UNC79: variants seen among roughly 807,000 people sequenced by gnomAD.
UNC79 encodes the protein unc-79 subunit of NALCN channel complex.
In UNC79, 37 loss-of-function variants were observed where a neutral mutation model predicts 283.1. The observed-to-expected ratio is 0.13, with a 90% confidence interval of 0.10 to 0.17. The LOEUF is 0.17. Among genes scored for constraint, UNC79 ranks in the 10% least tolerant of loss-of-function variants. UNC79 has a pLI of 1.00. For missense variants in UNC79, 2,272 were observed against 3,211.1 expected (o/e 0.71, Z 7.07); for synonymous variants, 1,107 against 1,200.2 (o/e 0.92, Z 1.61).
chr14:93,537,894 C>A, intron 11 of UNC79, 95 bp from the exon 12 acceptor site: 1 of 1,240,322 alleles, frequency 8.1e-7, no homozygotes, highest in African/African-American at 1.5e-5. Context: ...TGTGTTGTCA[C>A]TTCGAGTGGC....
intron 47 of UNC79, among the ~76,000 whole-genome samples, chr14:93,702,329 T>C (rs1282713818): frequency 1.3e-5 from 2 of 152,206 alleles, no homozygotes; most frequent in Non-Finnish European, 2.9e-5. Context: ...TTTAGTCTCA[T>C]TACATTTTCT....
At chr14:93,343,282 CAA>C (rs1419337054) in intron 1 of UNC79, among the ~76,000 whole-genome samples, 2 of 152,314 alleles carry the variant, frequency 1.3e-5, no homozygotes, top group East Asian at 3.9e-4. Flanking sequence ...GAGGCCTCAG[CAA>C]ACTTACAATC....
At chr14:93,541,808 A>C (rs962347357) in intron 13 of UNC79, among the ~76,000 whole-genome samples, 1 of 152,094 alleles carries the variant, frequency 6.6e-6, no homozygotes, top group Non-Finnish European at 1.5e-5. Context: ...GATCGAGACC[A>C]TCCTGGCTAA....
At chr14:93,508,230 G>T (rs1346989740) in intron 7 of UNC79, among the ~76,000 whole-genome samples, 3 of 149,012 alleles carry the variant, frequency 2.0e-5, no homozygotes, top group African/African-American at 7.4e-5. Context: ...CACTAAACCC[G>T]AAAAAAGGCC....
intron 1 of UNC79, among the ~76,000 whole-genome samples, chr14:93,384,968 C>G (rs949919689): frequency 1.3e-5 from 2 of 152,098 alleles, no homozygotes; most frequent in African/African-American, 4.8e-5. Context: ...TTCTTGGCAC[C>G]TTTGTCAAAA....
At chr14:93,685,627 G>C (rs570123699) in intron 42 of UNC79, among the ~76,000 whole-genome samples, 5 of 152,284 alleles carry the variant, frequency 3.3e-5, no homozygotes, top group Non-Finnish European at 5.9e-5. Context: ...GAGCCACTGG[G>C]TGAGCTAGTT....
At chr14:93,550,814 A>G (rs1302029936) in intron 14 of UNC79, among the ~76,000 whole-genome samples, 1 of 152,006 alleles carries the variant, frequency 6.6e-6, no homozygotes, top group African/African-American at 2.4e-5. Context: ...TTTTCTGGAG[A>G]TAAGAAGATA....
At chr14:93,452,194 A>G (rs995753101) in intron 1 of UNC79, among the ~76,000 whole-genome samples, 5 of 152,144 alleles carry the variant, frequency 3.3e-5, no homozygotes, top group Non-Finnish European at 4.4e-5. Context: ...TAATATTTTT[A>G]TAGACCTTTA....
chr14:93,382,855 AC>A (rs2054692409), intron 1 of UNC79, among the ~76,000 whole-genome samples: 1 of 152,206 alleles, frequency 6.6e-6, no homozygotes, highest in Non-Finnish European at 1.5e-5. Flanking sequence ...TAATGCATGT[AC>A]CAAAATACTT....
intron 41 of UNC79, among the ~76,000 whole-genome samples, chr14:93,675,611 G>A (rs1468441192): frequency 1.3e-5 from 2 of 152,178 alleles, no homozygotes; most frequent in Admixed American, 1.3e-4. Flanking sequence ...AACAACTCTT[G>A]TCATTTACTG....
In UNC79 at chr14:93,672,074, G is replaced by A. The variant is rs1029679762; in HGVS notation, c.6637-1277G>A. 7.9e-5 allele frequency among the ~76,000 whole-genome samples: 12 copies of A among 152,252 alleles called. No homozygotes were observed. In the South Asian group the frequency reaches 1.0e-3, roughly 13 times the overall value. ...GATATGGAGAAAAGGGAACTCTTGC[G>A]CCCTGTTGGTAGGAATTTAAATTAT... On this transcript the variant is annotated intron_variant, in intron 40 of 48. Coordinates refer to ENST00000555664, the Ensembl canonical transcript of UNC79.
At chr14:93,673,165 A>G (rs866415732) in intron 40 of UNC79, among the ~76,000 whole-genome samples, 186 bp from the exon 44 acceptor site, 6 of 152,048 alleles carry the variant, frequency 3.9e-5, no homozygotes, top group African/African-American at 1.4e-4. Context: ...GCTCCTGTAA[A>G]CTCATTACAC....
Position 93,537,869 on chromosome 14 carries a change from C to G in UNC79, c.1123-120C>G, listed in dbSNP as rs1267009056. On this transcript the variant is annotated intron_variant, in intron 11 of 48. Transcript: ENST00000555664. Reference sequence around the variant, plus strand: ...GGGAGAATAACCTGCGCTTTGGAAACTAGTGGCCCTTGAATGTGTTGTCAC... The same window carrying G: ...GGGAGAATAACCTGCGCTTTGGAAAGTAGTGGCCCTTGAATGTGTTGTCAC... 3.2e-6 allele frequency: 3 copies of G among 926,724 alleles called. No homozygotes were observed. The South Asian group carries it at 5.4e-5, about 17-fold the overall frequency. 57.4% of individuals were successfully genotyped at this position (926,724 alleles called of 1,614,324 possible). A position where few individuals can be genotyped will look rare whatever the true frequency, so the allele number is the denominator to read the frequency against.
At chr14:93,622,535 G>A (rs267604104) in exon 30 of UNC79, 2 of 1,613,992 alleles carry the variant, frequency 1.2e-6, no homozygotes, top group Non-Finnish European at 1.7e-6. Flanking sequence ...CCCTGACCCG[G>A]GCACTGAGGG....
Position 93,574,735 on chromosome 14 carries a change from G to A in UNC79, c.2071-323G>A, listed in dbSNP as rs1033647877. ...AGTGGGGATGGACTGGAGAAGCAGTGCTAGTCCAGGAGAAAGGTGGGGATC... is the reference window on the plus strand; with the variant it reads ...AGTGGGGATGGACTGGAGAAGCAGTACTAGTCCAGGAGAAAGGTGGGGATC... On this transcript the variant is annotated intron_variant, in intron 16 of 48. Transcript: ENST00000555664. 9.9e-5 allele frequency among the ~76,000 whole-genome samples: 15 copies of A among 152,128 alleles called. 1 individual carries two copies. The highest frequency in any genetic ancestry group is 1.3e-4 in the Admixed American group (2 of 15,280).
In UNC79 at chr14:93,662,372, A is replaced by T. The variant is rs959370639; in HGVS notation, c.6526-232A>T. Among the ~76,000 whole-genome samples the T allele has an allele frequency of 4.6e-5, 7 of 152,194 alleles. No individual in the cohort carries two copies. The East Asian group carries it at 1.3e-3, about 29-fold the overall frequency. On this transcript the variant is annotated intron_variant, in intron 39 of 48. Transcript: ENST00000555664. ...GTTTGTAAATGATACCATATGGAAA[A>T]ATGAATGTCTTTTTGAGCAGTGAAA...
At chr14:93,612,849 C>T (rs567253162) in exon 27 of UNC79, 69 of 1,614,112 alleles carry the variant, frequency 4.3e-5, no homozygotes, top group African/African-American at 1.5e-4. Context: ...TCCCAGAAGA[C>T]GCTGGGATCG....
chr14:93,686,288 A>AGC (rs753147405), intron 42 of UNC79, among the ~76,000 whole-genome samples: 1 of 151,822 alleles, frequency 6.6e-6, no homozygotes, highest in Non-Finnish European at 1.5e-5. Context: ...TTTAAAAACA[A>AGC]GCACACACAC....
intron 1 of UNC79, among the ~76,000 whole-genome samples, chr14:93,439,018 A>G (rs2056197072): frequency 6.6e-6 from 1 of 151,958 alleles, no homozygotes; most frequent in Admixed American, 6.6e-5. Flanking sequence ...TAAAATTTTG[A>G]ATACATGAAG....
Sources: gnomAD v4.1 joint callset for allele counts (sites outside exome capture counted in the v4.1 genomes callset) on GRCh38, gnomAD v4.1.1 for gene constraint, MANE v1.5 for transcripts, NCBI Gene and HGNC (gene_info 2026-07-23, HGNC 2026-07-21) for gene names.